Variants in NMNAT2 observed in about 807,000 individuals in gnomAD.
The protein encoded by NMNAT2 is nicotinamide/nicotinic acid mononucleotide adenylyltransferase 2.
A neutral mutation model predicts 41.6 loss-of-function variants in NMNAT2; 11 were observed. The observed-to-expected ratio is 0.26, with a 90% CI of 0.17 to 0.44. NMNAT2 has a LOEUF of 0.44. Among genes scored for constraint, NMNAT2 ranks in the 20% least tolerant of loss-of-function variants. The pLI is 1.00. For missense variants in NMNAT2, 288 were observed against 407.7 expected (o/e 0.71, Z 2.53); for synonymous variants, 148 against 151.2 (o/e 0.98, Z 0.16).
intron 10 of NMNAT2, among the ~76,000 whole-genome samples, chr1:183,258,941 G>A (rs1337041106): frequency 1.3e-5 from 2 of 152,150 alleles, no homozygotes; most frequent in Admixed American, 6.5e-5. Context: ...AGACTGATTT[G>A]ATAACAATAA....
At chr1:183,335,636 C>T (rs1404139924) in intron 1 of NMNAT2, among the ~76,000 whole-genome samples, 1 of 152,222 alleles carries the variant, frequency 6.6e-6, no homozygotes, top group African/African-American at 2.4e-5. Context: ...AATAGAACTT[C>T]CCTGGTGTCC....
intron 1 of NMNAT2, among the ~76,000 whole-genome samples, chr1:183,415,866 C>T (rs1445522080): frequency 6.6e-6 from 1 of 152,148 alleles, no homozygotes; most frequent in African/African-American, 2.4e-5. Flanking sequence ...TGTTTATGTG[C>T]TAAATTCTTC....
intron 1 of NMNAT2, among the ~76,000 whole-genome samples, chr1:183,406,523 C>T (rs1648959131): frequency 6.6e-6 from 1 of 152,152 alleles, no homozygotes; most frequent in Non-Finnish European, 1.5e-5. Context: ...AGTGCATTCT[C>T]TGGACCTGAA....
intron 1 of NMNAT2, among the ~76,000 whole-genome samples, chr1:183,314,394 C>T (rs1405749168): frequency 1.3e-5 from 2 of 152,200 alleles, no homozygotes; most frequent in African/African-American, 4.8e-5. Context: ...ATGATCTGTC[C>T]TTCCACAAGT....
At chr1:183,348,291 C>T (rs1200582653) in intron 1 of NMNAT2, among the ~76,000 whole-genome samples, 1 of 152,080 alleles carries the variant, frequency 6.6e-6, no homozygotes, top group African/African-American at 2.4e-5. Context: ...CACGTGTCCA[C>T]AAGCATGAGT....
At position 183,293,240 on chromosome 1, in the gene NMNAT2, T is replaced by C. The variant is rs3815208; in HGVS notation, c.175-383A>G. On this transcript the variant is annotated intron_variant, in intron 2 of 10. Coordinates refer to ENST00000287713, the MANE Select transcript of NMNAT2 (RefSeq NM_015039.4). ...GTGCATCTGTGGGAGAAAGGGGGAA[T>C]GATGGGTGGAGCTCCTAGATTTGCC... Among the ~76,000 whole-genome samples the C allele has an allele frequency of 2.6e-3, 390 of 152,274 alleles. 12 individuals carry two copies. The East Asian group carries it at 0.06, about 23-fold the overall frequency.
chr1:183,366,232 A>G (rs1249195142), intron 1 of NMNAT2, among the ~76,000 whole-genome samples: 2 of 152,036 alleles, frequency 1.3e-5, no homozygotes, highest in Non-Finnish European at 2.9e-5. Context: ...CACTCACTCA[A>G]CTTTGGGCTG....
At chr1:183,295,781 A>T (rs1430954600) in intron 1 of NMNAT2, among the ~76,000 whole-genome samples, 1 of 152,084 alleles carries the variant, frequency 6.6e-6, no homozygotes, top group East Asian at 1.9e-4. Flanking sequence ...CCCTCTTTGG[A>T]CTTGCTGTTT....
chr1:183,261,589 A>T (rs1413933326), intron 8 of NMNAT2, among the ~76,000 whole-genome samples: 4 of 152,150 alleles, frequency 2.6e-5, no homozygotes, highest in Non-Finnish European at 5.9e-5. Context: ...GATCTCTCCA[A>T]TTCCTGAGGC....
rs898400031 is a variant in NMNAT2 at position 183,341,440 on chromosome 1, G to A, written c.86-47647C>T. ...CGTCTGTAATCCCAGTGCTATGGGA[G>A]GCCAAGGCAGGTGGATCGCTTGAGC... On this transcript the variant is annotated intron_variant, in intron 1 of 10. Coordinates refer to ENST00000287713, the MANE Select transcript of NMNAT2 (RefSeq NM_015039.4). 2.0e-5 allele frequency among the ~76,000 whole-genome samples: 3 copies of A among 150,728 alleles called. No individual in the cohort carries two copies. In the South Asian group the frequency reaches 6.3e-4, roughly 32 times the overall value.
At position 183,248,919 on chromosome 1, in the gene NMNAT2, T is replaced by C. The variant is rs1293401058; in HGVS notation, c.*3722A>G. On this transcript the variant is annotated 3_prime_UTR_variant, in exon 11 of 11. Transcript: ENST00000287713. ...GTGTGTGTGTGTGTGTGTGTGTGTG[T>C]GTGTGTGTGTGTGTCAGTTTGAGGA... The C allele has an allele frequency of 6.5e-6, 1 of 152,716 alleles. No homozygotes were observed. The highest frequency in any genetic ancestry group is 1.5e-5 in the Non-Finnish European group (1 of 68,722). The allele number at this position is 152,716 out of a possible 1,614,324, so 9.5% of individuals were successfully genotyped here. A position where few individuals can be genotyped will look rare whatever the true frequency, so the allele number is the denominator to read the frequency against.
intron 1 of NMNAT2, among the ~76,000 whole-genome samples, chr1:183,348,193 C>A (rs1296221511): frequency 1.3e-5 from 2 of 152,178 alleles, no homozygotes; most frequent in East Asian, 3.8e-4. Context: ...AAACAGTCAA[C>A]CCAGCAAAGG....
intron 1 of NMNAT2, among the ~76,000 whole-genome samples, chr1:183,394,449 C>G (rs562993125): frequency 1.3e-5 from 2 of 152,302 alleles, no homozygotes; most frequent in Non-Finnish European, 2.9e-5. Context: ...ATCCAATAAG[C>G]AAATTAATGA....
intron 1 of NMNAT2, among the ~76,000 whole-genome samples, chr1:183,405,925 G>A (rs1443086232): frequency 6.6e-6 from 1 of 152,206 alleles, no homozygotes; most frequent in Non-Finnish European, 1.5e-5. Context: ...GACCTGCAAA[G>A]TTCTGGAAGG....
intron 1 of NMNAT2, among the ~76,000 whole-genome samples, chr1:183,375,470 T>C (rs190644849): frequency 6.2e-4 from 94 of 152,322 alleles, no homozygotes; most frequent in Admixed American, 6.1e-3. Flanking sequence ...CCAGGCTGTT[T>C]CCTGTGGCAA....
chr1:183,400,662 T>A (rs972689388), intron 1 of NMNAT2, among the ~76,000 whole-genome samples: 1 of 152,128 alleles, frequency 6.6e-6, no homozygotes, highest in African/African-American at 2.4e-5. Flanking sequence ...GACTTCACAC[T>A]GTACTACAAG....
At chr1:183,405,286 T>C (rs1448608159) in intron 1 of NMNAT2, among the ~76,000 whole-genome samples, 1 of 152,106 alleles carries the variant, frequency 6.6e-6, no homozygotes, top group Non-Finnish European at 1.5e-5. Flanking sequence ...TTCAAAATAA[T>C]ATAGGGCAAG....
intron 1 of NMNAT2, among the ~76,000 whole-genome samples, chr1:183,379,819 A>G (rs908782382): frequency 2.6e-5 from 4 of 152,216 alleles, no homozygotes; most frequent in Admixed American, 6.5e-5. Context: ...CAAAAGATAC[A>G]TTCATGATAT....
Position 183,278,624 on chromosome 1 carries a change from G to A in NMNAT2, c.580C>T (p.Arg194Trp), listed in dbSNP as rs199571472. ...TCACTACCACACAGCAGCAGGATCC[G>A]TAGCTCTGAGGAAGGGGAGCAAAGT... The part of the protein sequence containing the change: ...TVMRYEEIEL[R>W]ILLLCGSDLL... The change falls in exon 8 of 11, where the codon CGG becomes TGG. Residue 194 changes from arginine to tryptophan, a missense_variant. By Grantham distance (101) the Arg-to-Trp change is moderately radical. Transcript: ENST00000287713. 1.9e-6 allele frequency: 3 copies of A among 1,613,118 alleles called. No individual in the cohort carries two copies. The highest frequency in any genetic ancestry group is 2.5e-6 in the Non-Finnish European group (3 of 1,179,246).
Sources: gnomAD v4.1 joint callset for allele counts (sites outside exome capture counted in the v4.1 genomes callset) on GRCh38, gnomAD v4.1.1 for gene constraint, MANE v1.5 for transcripts, NCBI Gene and HGNC (gene_info 2026-07-23, HGNC 2026-07-21) for gene names.